Variants in ATP2C2 observed in about 807,000 individuals in gnomAD.
ATP2C2 encodes ATPase secretory pathway Ca2+ transporting 2, also known as calcium-transporting ATPase type 2C member 2.
In ATP2C2, 171 loss-of-function variants were observed where a neutral mutation model predicts 110.8. The ratio of observed to expected loss-of-function variants is 1.54; its 90% CI spans 1.36 to 1.75. The LOEUF (loss-of-function observed/expected upper bound fraction) is 1.75. Ranked by LOEUF, ATP2C2 falls within the 40% of genes most tolerant of loss-of-function variation. The pLI is 0.00. For synonymous variants in ATP2C2, 804 were observed against 508.4 expected (o/e 1.58, Z -7.82); for missense variants, 1,963 against 1,235.0 (o/e 1.59, Z -8.84).
In ATP2C2 at chr16:84,459,266, G is replaced by C. The variant is rs568161562; in HGVS notation, c.2217-4G>C. ...GCCGCTGACTGGCTGCGTGTGCCCC[G>C]CAGGAGCATCTCCGCCCTGAGTCTC... On this transcript the variant is annotated splice_polypyrimidine_tract_variant and splice_region_variant and intron_variant, in intron 22 of 26. Transcript: ENST00000262429. The C allele has an allele frequency of 9.3e-6, 15 of 1,614,138 alleles. No homozygotes were observed. The highest frequency in any genetic ancestry group is 1.3e-5 in the Non-Finnish European group (15 of 1,179,968).
intron 7 of ATP2C2, among the ~76,000 whole-genome samples, chr16:84,415,883 G>A (rs1437854433): frequency 2.0e-5 from 3 of 152,206 alleles, no homozygotes; most frequent in East Asian, 1.9e-4. Context: ...GTGGGCTTGG[G>A]GAATGATGTG....
Position 84,451,904 on chromosome 16 carries a change from T to TCC in ATP2C2, c.1661-13_1661-12dup, listed in dbSNP as rs769837711. On this transcript the variant is annotated splice_polypyrimidine_tract_variant and intron_variant, in intron 17 of 26. Coordinates refer to ENST00000262429, the MANE Select transcript of ATP2C2 (RefSeq NM_014861.4). Reference sequence around the variant, plus strand: ...TAAGCCCCCGGTGACCCCTCCTTACTCCCCCTCTCTCCTCAGTGCTGGCCC... The same window carrying TCC: ...TAAGCCCCCGGTGACCCCTCCTTACTCCCCCCCTCTCTCCTCAGTGCTGGCCC... The TCC allele has an allele frequency of 6.2e-7, 1 of 1,602,894 alleles. No individual in the cohort carries two copies. Among genetic ancestry groups the TCC allele is most frequent in the Non-Finnish European group, 8.5e-7 (1 of 1,176,428 alleles).
At chr16:84,394,949 C>G (rs13335752) in intron 1 of ATP2C2, among the ~76,000 whole-genome samples, 6,724 of 152,166 alleles carry the variant, frequency 0.044, 460 homozygotes, top group African/African-American at 0.14. Context: ...TTTGCAGAGG[C>G]CACAGTTTAA....
At chr16:84,441,504 C>G (rs1304261429) in intron 14 of ATP2C2, among the ~76,000 whole-genome samples, 2 of 152,192 alleles carry the variant, frequency 1.3e-5, no homozygotes, top group Non-Finnish European at 2.9e-5. Context: ...GGGGCTCCCT[C>G]CTCCCCATGT....
chr16:84,437,933 G>C (rs1365194777), intron 11 of ATP2C2, among the ~76,000 whole-genome samples: 3 of 152,174 alleles, frequency 2.0e-5, no homozygotes, highest in Non-Finnish European at 2.9e-5. Context: ...TTCTTGTGTA[G>C]ATTTCCCCAT....
chr16:84,440,993 T>C (rs543921058), intron 14 of ATP2C2, 35 bp downstream of exon 14: 34 of 1,524,486 alleles, frequency 2.2e-5, no homozygotes, highest in Non-Finnish European at 2.4e-5. Context: ...GAAATAGGCA[T>C]TTACATTGAG....
intron 11 of ATP2C2, among the ~76,000 whole-genome samples, chr16:84,434,118 T>C (rs911428103): frequency 6.6e-6 from 1 of 152,080 alleles, no homozygotes; most frequent in African/African-American, 2.4e-5. Context: ...TTAAGAACTT[T>C]TTTAAAACGA....
At chr16:84,462,316 TG>T (rs1911460594) in intron 26 of ATP2C2, 187 bp downstream of exon 26, 1 of 733,644 alleles carries the variant, frequency 1.4e-6, no homozygotes, top group Admixed American at 3.0e-5. Flanking sequence ...ATGTGACGGA[TG>T]CACAGAAACC....
chr16:84,454,083 C>T (rs935660897), intron 20 of ATP2C2, among the ~76,000 whole-genome samples: 5 of 152,152 alleles, frequency 3.3e-5, no homozygotes, highest in East Asian at 1.9e-4. Context: ...TCAGGTGATC[C>T]GCCTATCTTC....
At chr16:84,463,584 C>A (rs762662809) in intron 26 of ATP2C2, 30 bp from the exon 27 acceptor site, 2 of 1,585,932 alleles carry the variant, frequency 1.3e-6, no homozygotes, top group South Asian at 2.2e-5. Context: ...GCAGCCCGTC[C>A]TGAATCTTTT....
At chr16:84,375,241 C>T (rs1468971681) in intron 1 of ATP2C2, among the ~76,000 whole-genome samples, 2 of 152,158 alleles carry the variant, frequency 1.3e-5, no homozygotes, top group Non-Finnish European at 1.5e-5. Flanking sequence ...ATGTTTTTAA[C>T]ATGAAAAACG....
rs548271051 is a variant in ATP2C2 at position 84,393,965 on chromosome 16, G to A, written c.100-4534G>A. 2.6e-3 allele frequency among the ~76,000 whole-genome samples: 391 copies of A among 150,460 alleles called. 4 individuals carry two copies. Among genetic ancestry groups the A allele is most frequent in the African/African-American group, 8.9e-3 (360 of 40,354 alleles). ...GAGTCCAGGGGTTCAAGACCAGCCTGGGCAACATGGCAAAACCTTGTCTCA... is the reference window on the plus strand; with the variant it reads ...GAGTCCAGGGGTTCAAGACCAGCCTAGGCAACATGGCAAAACCTTGTCTCA... On this transcript the variant is annotated intron_variant, in intron 1 of 26. Coordinates refer to ENST00000262429, the MANE Select transcript of ATP2C2 (RefSeq NM_014861.4).
intron 2 of ATP2C2, among the ~76,000 whole-genome samples, chr16:84,401,029 T>A (rs549949549): frequency 6.6e-6 from 1 of 152,306 alleles, no homozygotes; most frequent in East Asian, 1.9e-4. Flanking sequence ...GTCTCTTCAC[T>A]TTGTTGATGA....
At chr16:84,444,686 C>T (rs1038298248) in intron 15 of ATP2C2, among the ~76,000 whole-genome samples, 2 of 152,236 alleles carry the variant, frequency 1.3e-5, no homozygotes, top group Non-Finnish European at 2.9e-5. Context: ...CTTGCTTCCG[C>T]CACCAGCCGT....
At chr16:84,409,547 T>C (rs1906084347) in intron 4 of ATP2C2, among the ~76,000 whole-genome samples, 1 of 152,188 alleles carries the variant, frequency 6.6e-6, no homozygotes, top group Admixed American at 6.5e-5. Context: ...TCTTGCTGTG[T>C]CGTCCAGGCT....
At chr16:84,383,681 GC>G (rs1910718576) in intron 1 of ATP2C2, among the ~76,000 whole-genome samples, 1 of 150,450 alleles carries the variant, frequency 6.6e-6, no homozygotes. Context: ...CAGCCTCACC[GC>G]CCCCATTTAG....
At chr16:84,369,521 T>TTC (rs1909829806) in intron 1 of ATP2C2, among the ~76,000 whole-genome samples, 2 of 151,454 alleles carry the variant, frequency 1.3e-5, no homozygotes, top group African/African-American at 2.4e-5. Flanking sequence ...TTTTTTCATT[T>TTC]ACGCTTAAGC....
chr16:84,381,691 G>C (rs1016693750), intron 1 of ATP2C2, among the ~76,000 whole-genome samples: 17 of 152,222 alleles, frequency 1.1e-4, no homozygotes, highest in Admixed American at 3.3e-4. Context: ...TATTCCTGCA[G>C]TGTATGTGGG....
Position 84,444,173 on chromosome 16 carries a change from A to AC in ATP2C2, c.1401+1574_1401+1575insC, listed in dbSNP as rs1401353327. On this transcript the variant is annotated intron_variant, in intron 15 of 26. Transcript: ENST00000262429. ...GAGAGATCCTGCCTCAAAAAAAAAA[A>AC]AAAAAAAAAAACAAAAAGATTGGGC... is the stretch of plus-strand genomic sequence containing the variant. Among the ~76,000 whole-genome samples the AC allele has an allele frequency of 1.8e-3, 266 of 151,088 alleles. 1 individual carries two copies. Among genetic ancestry groups the AC allele is most frequent in the African/African-American group, 5.9e-3 (244 of 41,166 alleles).
Sources: allele counts gnomAD v4.1 joint callset (sites outside exome capture counted in the v4.1 genomes callset), GRCh38; gene constraint gnomAD v4.1.1; transcripts MANE v1.5; gene names NCBI Gene and HGNC (gene_info 2026-07-23, HGNC 2026-07-21).